CCR6: variants seen among roughly 807,000 people sequenced by gnomAD.
CCR6 encodes the protein C-C motif chemokine receptor 6, also known as C-C chemokine receptor type 6.
In CCR6, 2 loss-of-function variants were observed where a neutral mutation model predicts 3.0. The ratio of observed to expected loss-of-function variants is 0.66; its 90% CI spans 0.27 to 2.07. The LOEUF (loss-of-function observed/expected upper bound fraction) is 2.07. Among genes scored for constraint, CCR6 ranks in the 30% most tolerant of loss-of-function variants. The pLI is 0.14. For synonymous variants in CCR6, 193 were observed against 184.3 expected (o/e 1.05, Z -0.38); for missense variants, 322 against 462.8 (o/e 0.70, Z 2.79).
intron 1 of CCR6, among the ~76,000 whole-genome samples, chr6:167,124,845 G>A (rs553943739): frequency 1.3e-3 from 191 of 149,868 alleles, no homozygotes; most frequent in Non-Finnish European, 2.2e-3. Flanking sequence ...ATACACACAC[G>A]TCCATATGTA....
intron 1 of CCR6, chr6:167,131,372 G>A (rs1281190204): frequency 6.6e-6 from 1 of 152,244 alleles, no homozygotes; most frequent in Non-Finnish European, 1.5e-5. Context: ...GTTGGGCATC[G>A]AGTGCACGGC....
chr6:167,135,244 G>A (rs1459479990), intron 1 of CCR6, among the ~76,000 whole-genome samples: 1 of 152,224 alleles, frequency 6.6e-6, no homozygotes, highest in Non-Finnish European at 1.5e-5. Context: ...CATTCTCCAA[G>A]AACCCTGATC....
chr6:167,133,048 T>G (rs1430859765), intron 1 of CCR6, among the ~76,000 whole-genome samples: 2 of 152,238 alleles, frequency 1.3e-5, no homozygotes, highest in African/African-American at 2.4e-5. Context: ...AGCTTTAACA[T>G]ACTTTTTTCT....
At chr6:167,116,449 CCT>C (rs897584712) in intron 1 of CCR6, among the ~76,000 whole-genome samples, 9 of 152,344 alleles carry the variant, frequency 5.9e-5, no homozygotes, top group Middle Eastern at 3.4e-3. Flanking sequence ...CTGAGGCCCT[CCT>C]CTCAGCCCAC....
At chr6:167,130,973 A>C (rs5881730) in intron 1 of CCR6, among the ~76,000 whole-genome samples, 6,130 of 79,304 alleles carry the variant, frequency 0.077, 626 homozygotes, top group African/African-American at 0.14. Context: ...TCCCTCTGGG[A>C]CCACCCTCCC....
intron 1 of CCR6, among the ~76,000 whole-genome samples, chr6:167,133,601 T>C (rs1033760613): frequency 2.6e-5 from 4 of 151,726 alleles, no homozygotes; most frequent in African/African-American, 4.8e-5. Context: ...TGAATTTCTA[T>C]AAAAATTTTG....
chr6:167,132,155 T>A (rs925179434), intron 1 of CCR6, among the ~76,000 whole-genome samples: 1 of 152,228 alleles, frequency 6.6e-6, no homozygotes, highest in Admixed American at 6.5e-5. Context: ...CATGCATTAG[T>A]CGCCCGTTCC....
intron 1 of CCR6, among the ~76,000 whole-genome samples, chr6:167,134,622 G>A (rs1449679642): frequency 2.0e-5 from 3 of 152,106 alleles, no homozygotes; most frequent in African/African-American, 2.4e-5. Context: ...ACGTGGACTC[G>A]TAAGTGAGGA....
At chr6:167,114,167 G>C (rs1781456180) in intron 1 of CCR6, among the ~76,000 whole-genome samples, 1 of 152,210 alleles carries the variant, frequency 6.6e-6, no homozygotes, top group Non-Finnish European at 1.5e-5. Context: ...CTCTCCGGCA[G>C]CTTCTGCCTC....
Position 167,137,492 on chromosome 6 carries a change from C to T in CCR6, c.*137C>T, listed in dbSNP as rs777260856. On this transcript the variant is annotated 3_prime_UTR_variant, in exon 3 of 3. Coordinates refer to ENST00000341935, the MANE Select transcript of CCR6 (RefSeq NM_031409.4). The surrounding 1 kb of genome is among the most constrained non-coding windows in gnomAD (Gnocchi z 4.6). ...CAAGCCTCTCTCCTGCGGGACTTAA[C>T]GTGCTCATGGGCTGTGTGATCTCTT... The T allele has an allele frequency of 4.3e-5, 34 of 785,602 alleles. No homozygotes were observed. The highest frequency in any genetic ancestry group is 1.2e-4 in the African/African-American group (7 of 57,334). 48.7% of individuals were successfully genotyped at this position (785,602 alleles called of 1,614,324 possible). A position where few individuals can be genotyped will look rare whatever the true frequency, so the allele number is the denominator to read the frequency against.
intron 1 of CCR6, among the ~76,000 whole-genome samples, chr6:167,127,793 GC>G (rs1313833024): frequency 6.6e-6 from 1 of 152,148 alleles, no homozygotes; most frequent in African/African-American, 2.4e-5. Flanking sequence ...GAGCCACTGT[GC>G]CCAGCTATTC....
chr6:167,135,335 G>A (rs1250250789), intron 1 of CCR6, among the ~76,000 whole-genome samples: 3 of 152,214 alleles, frequency 2.0e-5, no homozygotes, highest in African/African-American at 7.2e-5. Context: ...TGATGATTAG[G>A]ATGCCTCTGC....
At chr6:167,135,756 G>A (rs888729241) in intron 1 of CCR6, among the ~76,000 whole-genome samples, 6 of 152,158 alleles carry the variant, frequency 3.9e-5, no homozygotes, top group Admixed American at 6.5e-5. Context: ...AACGGACCCC[G>A]GCGAGGCCTG....
At chr6:167,125,835 T>C (rs1048451552) in intron 1 of CCR6, among the ~76,000 whole-genome samples, 4 of 152,234 alleles carry the variant, frequency 2.6e-5, no homozygotes, top group Non-Finnish European at 5.9e-5. Context: ...CATTACTTTA[T>C]TGCAATAAAA....
Position 167,136,372 on chromosome 6 carries a change from T to C in CCR6, c.142T>C (p.Phe48Leu), listed in dbSNP as rs2114939488. The change falls in exon 3 of 3, where the codon TTT becomes CTT. Residue 48 changes from phenylalanine to leucine, a missense_variant. Transcript: ENST00000341935. This position sits in a 1 kb window ranked among gnomAD's most constrained non-coding sequence, Gnocchi z 4.6. ...LQEVRQFSRL[F>L]VPIAYSLICV... is the part of the protein sequence containing the mutation. ...GGAGGTCAGGCAGTTCTCCAGGCTA[T>C]TTGTACCGATTGCCTACTCCTTGAT... 6.2e-7 allele frequency: 1 copy of C among 1,614,218 alleles called. No individual in the cohort carries two copies. The highest frequency in any genetic ancestry group is 8.5e-7 in the Non-Finnish European group (1 of 1,180,028).
At chr6:167,135,119 C>A (rs3093010) in intron 1 of CCR6, 44,498 of 152,176 alleles carry the variant, frequency 0.29, 7,515 homozygotes, top group Admixed American at 0.46. Flanking sequence ...GCTGGTTGCT[C>A]AGCTGTTTCA....
At chr6:167,129,647 A>C (rs1300577517) in intron 1 of CCR6, 2 of 151,536 alleles carry the variant, frequency 1.3e-5, no homozygotes, top group South Asian at 2.1e-4. Flanking sequence ...GAATCAAGAA[A>C]TTCTGCTTTC....
chr6:167,125,287 A>T (rs1381322112), intron 1 of CCR6, among the ~76,000 whole-genome samples: 1 of 152,252 alleles, frequency 6.6e-6, no homozygotes, highest in East Asian at 1.9e-4. Context: ...ATTACCAGTA[A>T]TATTTTCATA....
rs886270348 is a variant in CCR6, at chr6:167,137,500, T to C, written c.*145T>C. ...TCTCCTGCGGGACTTAACGTGCTCA[T>C]GGGCTGTGTGATCTCTTCAGGGTGG... On this transcript the variant is annotated 3_prime_UTR_variant, in exon 3 of 3. Transcript: ENST00000341935. This position sits in a 1 kb window ranked among gnomAD's most constrained non-coding sequence, Gnocchi z 4.6. The C allele has an allele frequency of 1.4e-6, 1 of 727,190 alleles. No homozygotes were observed. The highest frequency in any genetic ancestry group is 1.8e-5 in the African/African-American group (1 of 56,394). The allele number at this position is 727,190 out of a possible 1,614,324, so 45.0% of individuals were successfully genotyped here.
Sources: allele counts gnomAD v4.1 joint callset (sites outside exome capture counted in the v4.1 genomes callset), GRCh38; gene constraint gnomAD v4.1.1; non-coding constraint Gnocchi (gnomAD v3.1); transcripts MANE v1.5; gene names NCBI Gene and HGNC (gene_info 2026-07-23, HGNC 2026-07-21).